Variants in RAB27A observed in about 807,000 individuals in gnomAD.
The protein encoded by RAB27A is ras-related protein Rab-27A.
In RAB27A, 17 loss-of-function variants were observed where a neutral mutation model predicts 20.8. The ratio of observed to expected loss-of-function variants is 0.82; its 90% CI spans 0.56 to 1.23. RAB27A has a LOEUF of 1.23. Among genes scored for constraint, RAB27A ranks in the 50% most tolerant of loss-of-function variants. The pLI is 0.00. For synonymous variants in RAB27A, 85 were observed against 92.8 expected, an observed-to-expected ratio of 0.92 and a Z score of 0.48; for missense variants, 277 against 266.7, an observed-to-expected ratio of 1.04 and a Z score of -0.27.
At chr15:55,267,284 A>T (rs1897530067) in intron 2 of RAB27A, among the ~76,000 whole-genome samples, 1 of 152,236 alleles carries the variant, frequency 6.6e-6, no homozygotes, top group Non-Finnish European at 1.5e-5. Flanking sequence ...ATAGGGTATG[A>T]AACGGGGAAA....
chr15:55,283,853 G>C (rs1324006007), intron 1 of RAB27A, among the ~76,000 whole-genome samples: 1 of 152,100 alleles, frequency 6.6e-6, no homozygotes, highest in African/African-American at 2.4e-5. Context: ...TGTTTAACTA[G>C]CTGATTTAGA....
In RAB27A at chr15:55,207,793, G is replaced by A. The variant is rs146578702; in HGVS notation, c.468-2088C>T. 5.1e-3 allele frequency among the ~76,000 whole-genome samples: 782 copies of A among 151,982 alleles called. 2 individuals carry two copies. The highest frequency in any genetic ancestry group is 6.9e-3 in the Non-Finnish European group (468 of 67,964). Reference sequence around the variant, plus strand: ...TGCCTCCCAAGTTCAAGCGATTCTCGTCCCTCAGCCTCCCAAGTAGCTGGG... The same window carrying A: ...TGCCTCCCAAGTTCAAGCGATTCTCATCCCTCAGCCTCCCAAGTAGCTGGG... On this transcript the variant is annotated intron_variant, in intron 6 of 6. Transcript: ENST00000336787.
intron 1 of RAB27A, among the ~76,000 whole-genome samples, chr15:55,280,076 T>G (rs1897975024): frequency 1.3e-5 from 2 of 152,166 alleles, no homozygotes; most frequent in South Asian, 2.1e-4. Flanking sequence ...TCTGACACTT[T>G]GCAATAAAAA....
intron 1 of RAB27A, among the ~76,000 whole-genome samples, chr15:55,318,627 G>A (rs1291726785): frequency 6.6e-6 from 1 of 150,686 alleles, no homozygotes; most frequent in Non-Finnish European, 1.5e-5. Context: ...CTGGAACCCG[G>A]GAGGCAGAAG....
upstream of RAB27A, among the ~76,000 whole-genome samples, chr15:55,293,453 T>C (rs1364123896): frequency 2.0e-5 from 3 of 149,398 alleles, no homozygotes; most frequent in African/African-American, 7.4e-5. Context: ...TAAAAATCAG[T>C]TGCATTTCAA....
At chr15:55,298,432 T>C (rs2054958843) in intron 2 of RAB27A, among the ~76,000 whole-genome samples, 1 of 151,982 alleles carries the variant, frequency 6.6e-6, no homozygotes, top group African/African-American at 2.4e-5. Context: ...TATTAGGGAT[T>C]TTCAAAAGGG....
chr15:55,241,624 A>ATATGTGTG (rs377301086), intron 2 of RAB27A, among the ~76,000 whole-genome samples: 2 of 117,646 alleles, frequency 1.7e-5, no homozygotes, highest in African/African-American at 8.7e-5. Flanking sequence ...ATATATATAT[A>ATATGTGTG]TGTGTGTATA....
At chr15:55,296,614 C>T (rs1431278238) in intron 2 of RAB27A, among the ~76,000 whole-genome samples, 1 of 152,196 alleles carries the variant, frequency 6.6e-6, no homozygotes, top group Non-Finnish European at 1.5e-5. Flanking sequence ...ACACAGGATC[C>T]ATCCTGAGGG....
chr15:55,316,943 C>CT (rs2055047762), intron 1 of RAB27A, among the ~76,000 whole-genome samples: 2 of 152,162 alleles, frequency 1.3e-5, no homozygotes. Flanking sequence ...GGATTTCTGC[C>CT]TGAGGTAGTT....
chr15:55,254,849 T>A (rs1897022645), intron 2 of RAB27A, among the ~76,000 whole-genome samples: 1 of 152,190 alleles, frequency 6.6e-6, no homozygotes, highest in Non-Finnish European at 1.5e-5. Context: ...CAAACCAAAA[T>A]CTGCGGCTTA....
At chr15:55,208,208 T>C (rs1399766462) in intron 6 of RAB27A, among the ~76,000 whole-genome samples, 4 of 152,326 alleles carry the variant, frequency 2.6e-5, no homozygotes, top group South Asian at 2.1e-4. Context: ...AAATTAAACA[T>C]TGAATTAAAA....
chr15:55,245,253 T>C (rs979690779), intron 2 of RAB27A, among the ~76,000 whole-genome samples: 1 of 152,202 alleles, frequency 6.6e-6, no homozygotes, highest in African/African-American at 2.4e-5. Context: ...ATGTCTTCCG[T>C]GCAGTTTACT....
intron 2 of RAB27A, among the ~76,000 whole-genome samples, chr15:55,269,564 T>C (rs1223686943): frequency 1.3e-5 from 2 of 152,048 alleles, no homozygotes; most frequent in Non-Finnish European, 1.5e-5. Flanking sequence ...CTGGCCAACA[T>C]GGTGAAACCC....
At chr15:55,253,003 G>C (rs1896949367) in intron 2 of RAB27A, among the ~76,000 whole-genome samples, 1 of 152,042 alleles carries the variant, frequency 6.6e-6, no homozygotes. Context: ...ATGGTGGCAT[G>C]TGCCTGTAAT....
intron 6 of RAB27A, among the ~76,000 whole-genome samples, chr15:55,212,780 C>T (rs112537710): frequency 6.6e-6 from 1 of 152,150 alleles, no homozygotes; most frequent in Non-Finnish European, 1.5e-5. Flanking sequence ...CCACCCGCCT[C>T]GGCCTCCCAA....
chr15:55,318,734 A>AC (rs78798314), intron 1 of RAB27A: 6 of 151,296 alleles, frequency 4.0e-5, no homozygotes, highest in East Asian at 2.0e-4. Context: ...ACAAAAAAAA[A>AC]ACCTAACAAC....
chr15:55,318,331 T>C (rs182946502), intron 1 of RAB27A, among the ~76,000 whole-genome samples: 45 of 150,632 alleles, frequency 3.0e-4, no homozygotes, highest in Admixed American at 2.6e-3. Flanking sequence ...TCCTCTGACC[T>C]CCTGATCCGC....
intron 2 of RAB27A, among the ~76,000 whole-genome samples, chr15:55,304,871 G>T (rs2054990708): frequency 6.6e-6 from 1 of 151,852 alleles, no homozygotes; most frequent in South Asian, 2.1e-4. Flanking sequence ...TATTTTGTTT[G>T]GTTTTGTTTT....
At chr15:55,209,820 G>GTATATA (rs1301013687) in intron 6 of RAB27A, among the ~76,000 whole-genome samples, 2 of 119,110 alleles carry the variant, frequency 1.7e-5, no homozygotes, top group South Asian at 2.3e-4. Flanking sequence ...ACACATGTGT[G>GTATATA]TATATATACA....
Sources: allele counts gnomAD v4.1 joint callset (sites outside exome capture counted in the v4.1 genomes callset), GRCh38; gene constraint gnomAD v4.1.1; transcripts MANE v1.5; gene names NCBI Gene and HGNC (gene_info 2026-07-23, HGNC 2026-07-21).